NIN: variants seen among roughly 807,000 people sequenced by gnomAD.
NIN encodes the protein glycogen synthase kinase 3 beta-interacting protein.
Under a neutral mutation model 257.6 loss-of-function variants are expected in NIN, and 137 were observed. The observed-to-expected ratio is 0.53, with a 90% CI of 0.46 to 0.61. The LOEUF is 0.61. Among genes scored for constraint, NIN ranks in the 20% least tolerant of loss-of-function variants. The pLI is 0.00. For synonymous variants in NIN, 918 were observed against 919.8 expected (o/e 1.00, Z 0.04); for missense variants, 2,439 against 2,501.2 (o/e 0.98, Z 0.53).
chr14:50,758,677 A>G (rs373769702), intron 17 of NIN, 47 bp from the exon 18 acceptor site: 3 of 1,502,848 alleles, frequency 2.0e-6, no homozygotes, highest in Non-Finnish European at 2.7e-6. Context: ...CGCCAACTCC[A>G]GAAGCAAACA....
chr14:50,732,719 G>GT (rs1311493807), intron 28 of NIN, among the ~76,000 whole-genome samples: 33 of 103,160 alleles, frequency 3.2e-4, no homozygotes, highest in Non-Finnish European at 5.9e-4. Context: ...GTTTTTGTTT[G>GT]TTTTTTTGTT....
rs150722174 is a variant in NIN at position 50,757,627 on chromosome 14, C to G, written c.3403G>C (p.Val1135Leu). 5.0e-6 allele frequency: 8 copies of G among 1,614,176 alleles called. No homozygotes were observed. The Admixed American group carries it at 1.2e-4, about 24-fold the overall frequency. The change falls in exon 18 of 31, where the codon GTA (valine) becomes CTA (leucine). Residue 1135 changes from valine to leucine, a missense_variant. This residue lies in a region of NIN where 2,043 missense variants were observed against 2,050.2 expected (regional missense o/e 1.00). Transcript: ENST00000530997. ...QFLQQNRTKQ[V>L]EGVTRRHVLS... Reference sequence around the variant, plus strand: ...ACATGCCGCCTGGTCACACCTTCTACTTGCTTCGTTCGGTTTTGCTGTAAA... The same window carrying G: ...ACATGCCGCCTGGTCACACCTTCTAGTTGCTTCGTTCGGTTTTGCTGTAAA...
chr14:50,770,472 C>G lies in NIN; in HGVS notation c.1350G>C (p.Lys450Asn). 6.2e-7 allele frequency: 1 copy of G among 1,614,194 alleles called. No individual in the cohort carries two copies. Among genetic ancestry groups the G allele is most frequent in the Non-Finnish European group, 8.5e-7 (1 of 1,180,000 alleles). ...TTTCCTGTTCAAGTTCTAAACGCTG[C>G]TTGCCTGCCTGCTGCAGGATCTGCT... ...EREQILQQAG[K>N]QRLELEQEIE... Residue 450 changes from lysine to asparagine, a missense_variant, in exon 12 of 31, where the codon AAG becomes AAC. Coordinates refer to ENST00000530997, the MANE Select transcript of NIN (RefSeq NM_020921.4).
chr14:50,818,524 A>C (rs2045041755), intron 3 of NIN, among the ~76,000 whole-genome samples: 1 of 152,006 alleles, frequency 6.6e-6, no homozygotes, highest in South Asian at 2.1e-4. Context: ...TCCCCGTGCT[A>C]CTCATGTGCC....
At position 50,727,399 on chromosome 14, in the gene NIN, G is replaced by C. The variant is rs373692733; in HGVS notation, c.6079-1333C>G. Reference sequence around the variant, plus strand: ...AACATATGGAATGAGAAAATATATAGACTACATCCTTTCAAGAATCTTAAA... The same window carrying C: ...AACATATGGAATGAGAAAATATATACACTACATCCTTTCAAGAATCTTAAA... On this transcript the variant is annotated intron_variant, in intron 29 of 30. Transcript: ENST00000530997. The C allele has an allele frequency of 1.1e-3, 1,161 of 1,062,702 alleles. 30 individuals are homozygous for C. The South Asian group carries it at 0.033, about 30-fold the overall frequency. The allele number at this position is 1,062,702 out of a possible 1,614,324, so 65.8% of individuals were successfully genotyped here.
chr14:50,778,734 C>T (rs1428750227), intron 6 of NIN, 31 bp downstream of exon 6: 12 of 1,611,944 alleles, frequency 7.4e-6, no homozygotes, highest in Non-Finnish European at 1.0e-5. Flanking sequence ...CCCTTCCCTT[C>T]CAGGCACGTC....
intron 5 of NIN, among the ~76,000 whole-genome samples, chr14:50,779,180 C>T (rs557424759): frequency 2.0e-5 from 3 of 152,344 alleles, no homozygotes; most frequent in Admixed American, 2.0e-4. Flanking sequence ...TAAATGTGTA[C>T]TGAGTGCTTC....
chr14:50,770,536 C>A lies in NIN; in HGVS notation c.1286G>T (p.Arg429Leu). ...LRKLDEEYKERIAALKNELRK... is the reference protein window; with the variant it reads ...LRKLDEEYKELIAALKNELRK... ...GAGTTCATTTTTTAAGGCTGCTATT[C>A]GCTCCTTGTACTCTTCATCCAGTTT... Residue 429 changes from arginine to leucine, a missense_variant, in exon 12 of 31, where the codon CGA becomes CTA. Arg to Leu is a moderately radical substitution (Grantham distance 102, BLOSUM62 -2). This residue lies in a region of NIN where 2,043 missense variants were observed against 2,050.2 expected (regional missense o/e 1.00). Coordinates refer to ENST00000530997, the MANE Select transcript of NIN (RefSeq NM_020921.4). 6.2e-7 allele frequency: 1 copy of A among 1,614,184 alleles called. No individual in the cohort carries two copies.
chr14:50,775,405 C>T lies in NIN; in HGVS notation c.666+1544G>A, dbSNP rs150020720. Among the ~76,000 whole-genome samples, 111 of 152,200 alleles carry T rather than the reference C, an allele frequency of 7.3e-4. No individual in the cohort carries two copies. In the East Asian group the frequency reaches 0.017, roughly 24 times the overall value. ...CCTTCATGAAAGCAGGGAACAGCCA[C>T]GATTTCACTCTCTCTACCTATAAAA... On this transcript the variant is annotated intron_variant, in intron 7 of 30. Transcript: ENST00000530997.
At chr14:50,813,056 G>A (rs181752803) in intron 3 of NIN, among the ~76,000 whole-genome samples, 70 of 152,204 alleles carry the variant, frequency 4.6e-4, no homozygotes, top group African/African-American at 1.6e-3. Flanking sequence ...TGGAGGAGGC[G>A]ACCGCTATTT....
chr14:50,736,729 A>C (rs2040998935), intron 27 of NIN, among the ~76,000 whole-genome samples: 1 of 152,242 alleles, frequency 6.6e-6, no homozygotes, highest in Non-Finnish European at 1.5e-5. Flanking sequence ...AAATTAAATG[A>C]CATTTCAGCT....
chr14:50,799,101 C>G (rs1428332724), intron 4 of NIN, among the ~76,000 whole-genome samples: 2 of 152,296 alleles, frequency 1.3e-5, no homozygotes, highest in East Asian at 3.9e-4. Context: ...AAGCATTTTA[C>G]ACGTTAGGAT....
intron 2 of NIN, among the ~76,000 whole-genome samples, chr14:50,825,249 A>C (rs1175067433): frequency 1.3e-5 from 2 of 152,266 alleles, no homozygotes; most frequent in African/African-American, 4.8e-5. Context: ...CCTCCAAAGA[A>C]GCAAAGCAGG....
intron 21 of NIN, among the ~76,000 whole-genome samples, chr14:50,749,179 T>C (rs1242271838): frequency 6.6e-6 from 1 of 152,160 alleles, no homozygotes; most frequent in Admixed American, 6.5e-5. Flanking sequence ...CATCTGATCT[T>C]TGACAAACCT....
intron 21 of NIN, among the ~76,000 whole-genome samples, chr14:50,751,799 T>A (rs2140703373): frequency 6.6e-6 from 1 of 152,236 alleles, no homozygotes; most frequent in East Asian, 1.9e-4. Context: ...AGTGCTGGGA[T>A]TACAGGTGTG....
chr14:50,811,169 C>T (rs1448563491), intron 3 of NIN, among the ~76,000 whole-genome samples: 4 of 149,262 alleles, frequency 2.7e-5, no homozygotes, highest in African/African-American at 9.9e-5. Context: ...AGTGCAGTGG[C>T]GCAATCTTGG....
rs928845413 is a variant in NIN, at chr14:50,789,911, A to T, written c.435+2801T>A. Among the ~76,000 whole-genome samples the T allele has an allele frequency of 3.3e-5, 5 of 152,246 alleles. No individual in the cohort carries two copies. In the East Asian group the frequency reaches 9.6e-4, roughly 29 times the overall value. ...GCCATAACAGTAAGTAACAAGACTGATGCATTGACAAGGCTGTACCACAAG... is the reference window on the plus strand; with the variant it reads ...GCCATAACAGTAAGTAACAAGACTGTTGCATTGACAAGGCTGTACCACAAG... On this transcript the variant is annotated intron_variant, in intron 5 of 30. Coordinates refer to ENST00000530997, the MANE Select transcript of NIN (RefSeq NM_020921.4).
chr14:50,811,973 T>C (rs1402171173), intron 3 of NIN, among the ~76,000 whole-genome samples: 5 of 145,860 alleles, frequency 3.4e-5, no homozygotes, highest in Non-Finnish European at 7.5e-5. Flanking sequence ...AAAAAAAATG[T>C]AGCTGGGCGT....
rs975962654 is a variant in NIN, at chr14:50,720,760, A to G, written c.*2703T>C. On this transcript the variant is annotated 3_prime_UTR_variant, in exon 31 of 31. Transcript: ENST00000530997. ...CTTCTAAAAAGCAGAAGAGAGTACA[A>G]TAGGATGAGAGAGGTGGGTTTTACT... 4 of 203,468 alleles carry G rather than the reference A, an allele frequency of 2.0e-5. No individual in the cohort carries two copies. Among genetic ancestry groups the G allele is most frequent in the African/African-American group, 9.2e-5 (4 of 43,712 alleles). The allele number at this position is 203,468 out of a possible 1,614,324, so 12.6% of individuals were successfully genotyped here.
Sources: allele counts gnomAD v4.1 joint callset (sites outside exome capture counted in the v4.1 genomes callset), GRCh38; gene constraint gnomAD v4.1.1; regional missense constraint gnomAD v4.1.1; transcripts MANE v1.5; gene names NCBI Gene and HGNC (gene_info 2026-07-23, HGNC 2026-07-21).